Variants in PDE10A observed in about 807,000 individuals in gnomAD.
The protein encoded by PDE10A is phosphodiesterase 10A, also known as cAMP and cAMP-inhibited cGMP 3',5'-cyclic phosphodiesterase 10A.
A neutral mutation model predicts 97.7 loss-of-function variants in PDE10A; 39 were observed. The ratio of observed to expected loss-of-function variants is 0.40; its 90% CI spans 0.31 to 0.52. The LOEUF (loss-of-function observed/expected upper bound fraction) is 0.52, where lower values mean the gene tolerates loss of function less well. PDE10A is among the 20% of genes least tolerant of loss of function. PDE10A has a pLI of 0.56. For synonymous variants in PDE10A, 371 were observed against 376.8 expected (o/e 0.98, Z 0.18); for missense variants, 731 against 1,047.8 (o/e 0.70, Z 4.17).
At chr6:165,731,929 T>C (rs1256433574) in intron 1 of PDE10A, among the ~76,000 whole-genome samples, 4 of 152,230 alleles carry the variant, frequency 2.6e-5, no homozygotes, top group Non-Finnish European at 4.4e-5. Flanking sequence ...AGTTCCCTTT[T>C]TGTGAAACTC....
Position 165,571,543 on chromosome 6 carries a change from A to C in PDE10A, c.866-27975T>G, listed in dbSNP as rs113038735. Among the ~76,000 whole-genome samples, 770 of 152,332 alleles carry C rather than the reference A, an allele frequency of 5.1e-3. 3 individuals carry two copies. The highest frequency in any genetic ancestry group is 0.017 in the African/African-American group (718 of 41,588). ...TGAGTGAGACAGGCCAGAGTTCCTA[A>C]GACAGTTTTCTTCACATTTTGTTCT... On this transcript the variant is annotated intron_variant, in intron 1 of 21. Transcript: ENST00000539869.
At chr6:165,402,081 T>C (rs140913661) in intron 13 of PDE10A, among the ~76,000 whole-genome samples, 2,132 of 152,296 alleles carry the variant, frequency 0.014, 31 homozygotes, top group Non-Finnish European at 0.021. Context: ...ACTAATTCTA[T>C]TGAGCACTTG....
chr6:165,986,765 G>A (rs957272224), intron 1 of PDE10A, among the ~76,000 whole-genome samples: 22 of 151,200 alleles, frequency 1.5e-4, no homozygotes, highest in African/African-American at 5.1e-4. Flanking sequence ...TTATGGTTGG[G>A]CTTGGCTTGG....
chr6:165,798,123 G>A (rs146085028), intron 1 of PDE10A, among the ~76,000 whole-genome samples: 102 of 152,216 alleles, frequency 6.7e-4, no homozygotes, highest in Admixed American at 2.4e-3. Context: ...TACTTGGTTG[G>A]CAAATCATAT....
At chr6:165,837,917 C>A (rs566345300) in intron 1 of PDE10A, among the ~76,000 whole-genome samples, 1 of 152,260 alleles carries the variant, frequency 6.6e-6, no homozygotes, top group South Asian at 2.1e-4. Flanking sequence ...GATCTCCTGA[C>A]CTCGTGATCC....
Position 165,395,214 on chromosome 6 carries a change from A to G in PDE10A, c.2270T>C (p.Val757Ala). ...PFENMWPGIF[V>A]YMVHRSCGTS... ...CCCACAGGACCGATGAACCATGTAGACAAAAATTCCAGGCCACATGTTTTC... is the reference window on the plus strand; with the variant it reads ...CCCACAGGACCGATGAACCATGTAGGCAAAAATTCCAGGCCACATGTTTTC... Residue 757 changes from valine (V) to alanine (A), a missense_variant, in exon 15 of 22, where the codon GTC becomes GCC. By Grantham distance (64) the Val-to-Ala change is moderately conservative. Around this residue, in one of 8 missense-constraint regions of PDE10A, gnomAD observed 131 missense variants for 187.4 expected, o/e 0.70. Transcript: ENST00000539869. 6.2e-7 allele frequency: 1 copy of G among 1,613,500 alleles called. No individual in the cohort carries two copies. Among genetic ancestry groups the G allele is most frequent in the Non-Finnish European group, 8.5e-7 (1 of 1,179,530 alleles).
At chr6:165,488,072 T>G (rs1293196041) in intron 2 of PDE10A, among the ~76,000 whole-genome samples, 1 of 149,054 alleles carries the variant, frequency 6.7e-6, no homozygotes, top group Non-Finnish European at 1.5e-5. Context: ...AGGACATTAA[T>G]TTTTATGCAG....
At chr6:165,594,978 A>C (rs1381616234) in intron 1 of PDE10A, among the ~76,000 whole-genome samples, 1 of 152,246 alleles carries the variant, frequency 6.6e-6, no homozygotes, top group African/African-American at 2.4e-5. Flanking sequence ...CAGGTGAAGA[A>C]ACTGAAGTTC....
intron 1 of PDE10A, among the ~76,000 whole-genome samples, chr6:165,708,715 C>A (rs1791787317): frequency 1.3e-5 from 2 of 149,850 alleles, no homozygotes; most frequent in South Asian, 4.3e-4. Context: ...CCACTCTCTA[C>A]CCCCATGCTG....
At chr6:165,373,367 C>T (rs1784394625) in intron 18 of PDE10A, among the ~76,000 whole-genome samples, 2 of 152,144 alleles carry the variant, frequency 1.3e-5, no homozygotes, top group South Asian at 4.1e-4. Context: ...CTACAATGAA[C>T]TCAAACAAAT....
At chr6:165,899,619 C>A (rs1782049426) in intron 1 of PDE10A, among the ~76,000 whole-genome samples, 1 of 152,228 alleles carries the variant, frequency 6.6e-6, no homozygotes, top group Admixed American at 6.5e-5. Context: ...GAATGACTGA[C>A]TGAACATGGA....
chr6:165,905,019 T>G (rs764489241), intron 1 of PDE10A, among the ~76,000 whole-genome samples: 4 of 152,208 alleles, frequency 2.6e-5, no homozygotes, highest in Non-Finnish European at 4.4e-5. Context: ...CATTATTTAG[T>G]CATTATGAGC....
intron 21 of PDE10A, 30 bp from the exon 22 acceptor site, chr6:165,333,157 A>G (rs759020406): frequency 1.3e-5 from 17 of 1,291,666 alleles, no homozygotes; most frequent in Non-Finnish European, 1.9e-5. Flanking sequence ...TTTCAGGAGA[A>G]GCTGAATAAA....
intron 1 of PDE10A, among the ~76,000 whole-genome samples, chr6:165,809,313 C>T (rs1441767320): frequency 6.6e-6 from 1 of 152,176 alleles, no homozygotes; most frequent in Non-Finnish European, 1.5e-5. Context: ...ACAGTCAGTC[C>T]TCCTCCCTGC....
At chr6:165,792,260 C>T (rs577111082) in intron 1 of PDE10A, among the ~76,000 whole-genome samples, 1 of 152,310 alleles carries the variant, frequency 6.6e-6, no homozygotes, top group South Asian at 2.1e-4. Context: ...GATGAGTCAC[C>T]GTCGAGCAGA....
intron 18 of PDE10A, among the ~76,000 whole-genome samples, chr6:165,368,271 A>G (rs1472250084): frequency 6.6e-6 from 1 of 152,184 alleles, no homozygotes; most frequent in Non-Finnish European, 1.5e-5. Flanking sequence ...GCTGGGATTA[A>G]AGGTGTGAGT....
At chr6:165,507,383 T>G (rs2128298893) in intron 2 of PDE10A, among the ~76,000 whole-genome samples, 1 of 152,212 alleles carries the variant, frequency 6.6e-6, no homozygotes, top group South Asian at 2.1e-4. Context: ...TACTCCTTAG[T>G]TCTGTCGTGA....
Position 165,327,775 on chromosome 6 carries a change from A to C in PDE10A, c.*5250T>G, listed in dbSNP as rs758523736. The C allele has an allele frequency of 2.0e-5, 3 of 152,250 alleles. No individual in the cohort carries two copies. Among genetic ancestry groups the C allele is most frequent in the Non-Finnish European group, 2.9e-5 (2 of 68,036 alleles). The allele number at this position is 152,250 out of a possible 1,614,324, so 9.4% of individuals were successfully genotyped here. On this transcript the variant is annotated 3_prime_UTR_variant, in exon 22 of 22. Transcript: ENST00000539869. ...ATAAAGTTAGATACTGTTAACTTGA[A>C]ATTCTTTCTCCTTCCAATAGAGAGC...
intron 1 of PDE10A, among the ~76,000 whole-genome samples, chr6:165,733,806 G>A (rs1792497482): frequency 6.6e-6 from 1 of 152,076 alleles, no homozygotes; most frequent in African/African-American, 2.4e-5. Context: ...TTCCACTGAA[G>A]TCAGGAAAGC....
Sources: allele counts gnomAD v4.1 joint callset (sites outside exome capture counted in the v4.1 genomes callset), GRCh38; gene constraint gnomAD v4.1.1; regional missense constraint gnomAD v4.1.1; transcripts MANE v1.5; gene names NCBI Gene and HGNC (gene_info 2026-07-23, HGNC 2026-07-21).